ZNF248: variants seen among roughly 807,000 people sequenced by gnomAD.
ZNF248 encodes KRAB protein domain.
A neutral mutation model predicts 44.3 loss-of-function variants in ZNF248; 20 were observed. That is an observed-to-expected ratio of 0.45 (90% CI 0.32 to 0.66). The LOEUF (loss-of-function observed/expected upper bound fraction) is 0.66, where lower values mean the gene tolerates loss of function less well. Among genes scored for constraint, ZNF248 ranks in the 30% least tolerant of loss-of-function variants. The pLI, the probability that ZNF248 is intolerant of heterozygous loss-of-function variation, is 0.04. For missense variants in ZNF248, 654 were observed against 677.0 expected, an observed-to-expected ratio of 0.97 and a Z score of 0.38; for synonymous variants, 224 against 229.0, an observed-to-expected ratio of 0.98 and a Z score of 0.20.
intron 4 of ZNF248, 64 bp from the exon 5 acceptor site, chr10:37,837,776 T>C: frequency 1.3e-6 from 2 of 1,484,696 alleles, no homozygotes; most frequent in Admixed American, 1.9e-5. Flanking sequence ...TCTGAATACA[T>C]CATGGGGAAG....
intron 6 of ZNF248, among the ~76,000 whole-genome samples, chr10:37,790,107 A>C (rs962246391): frequency 2.8e-5 from 2 of 70,816 alleles, no homozygotes; most frequent in African/African-American, 1.6e-4. Context: ...TGAAAATACA[A>C]AAAAAAAAAA....
At chr10:37,781,255 G>A (rs193022034) in intron 6 of ZNF248, among the ~76,000 whole-genome samples, 1 of 152,248 alleles carries the variant, frequency 6.6e-6, no homozygotes, top group African/African-American at 2.4e-5. Context: ...ATTGTGAAGG[G>A]TCCTTTTCCA....
chr10:37,839,417 C>T (rs552478199), intron 3 of ZNF248, among the ~76,000 whole-genome samples: 7 of 152,062 alleles, frequency 4.6e-5, no homozygotes, highest in South Asian at 4.1e-4. Flanking sequence ...TTGTTTCTAA[C>T]GCCATGCTCC....
rs1369231059 is a variant in ZNF248, at chr10:37,856,341, A to T, written c.-27-4T>A. On this transcript the variant is annotated splice_region_variant and splice_polypyrimidine_tract_variant and intron_variant, in intron 2 of 5. Transcript: ENST00000395867. The stretch of plus-strand genomic sequence containing the variant: ...GCTCTTAGTGGAGGAAGGAGAGCTG[A>T]AGGATTAGAAAGGAAGAATGTCAGG... 6.2e-7 allele frequency: 1 copy of T among 1,613,220 alleles called. No homozygotes were observed. Among genetic ancestry groups the T allele is most frequent in the Non-Finnish European group, 8.5e-7 (1 of 1,179,708 alleles).
At chr10:37,839,622 GA>G (rs747542001) in intron 3 of ZNF248, among the ~76,000 whole-genome samples, 2 of 151,630 alleles carry the variant, frequency 1.3e-5, no homozygotes, top group Non-Finnish European at 2.9e-5. Flanking sequence ...TCATATTAAA[GA>G]AGACATAATC....
At chr10:37,823,935 A>G (rs2053924425), downstream of ZNF248, among the ~76,000 whole-genome samples, 2 of 152,136 alleles carry the variant, frequency 1.3e-5, no homozygotes, top group South Asian at 4.1e-4. Context: ...AAAAATATGT[A>G]AAGGCCTAAG....
chr10:37,856,693 T>C (rs1296346040), intron 1 of ZNF248, 161 bp from the exon 2 acceptor site: 3 of 999,362 alleles, frequency 3.0e-6, no homozygotes, highest in Non-Finnish European at 3.6e-6. Context: ...ATTAATGCCC[T>C]GAGGTTAGAT....
the ZNF248 span, among the ~76,000 whole-genome samples, chr10:37,760,438 G>T: frequency 4.6e-5 from 7 of 152,158 alleles, no homozygotes; most frequent in African/African-American, 1.7e-4. Context: ...GCCCAGGCTG[G>T]TCTCAAACTC....
At chr10:37,802,253 T>G (rs1040443883) in intron 6 of ZNF248, among the ~76,000 whole-genome samples, 3 of 152,116 alleles carry the variant, frequency 2.0e-5, no homozygotes, top group Non-Finnish European at 4.4e-5. Context: ...GGAAGAGAAT[T>G]ATAAAGGTAA....
the ZNF248 span, among the ~76,000 whole-genome samples, chr10:37,766,961 G>T: frequency 6.6e-6 from 1 of 152,172 alleles, no homozygotes. Context: ...CAAGGCTCGA[G>T]AACTACGTGA....
chr10:37,778,669 C>T (rs1013057316), intron 6 of ZNF248, among the ~76,000 whole-genome samples: 11 of 152,000 alleles, frequency 7.2e-5, no homozygotes, highest in Non-Finnish European at 1.2e-4. Context: ...TCAGGTCTAA[C>T]GTTTAAGTCT....
chr10:37,820,039 G>T, intron 6 of ZNF248: 2 of 808,092 alleles, frequency 2.5e-6, no homozygotes, highest in Admixed American at 1.7e-5. Context: ...GGACTTTCTT[G>T]CTCATTGTCA....
Position 37,788,263 on chromosome 10 carries a change from A to G in ZNF248, c.331-11688T>C, listed in dbSNP as rs545639045. On this transcript the variant is annotated intron_variant, in intron 6 of 6. Transcript: ENST00000615949. ...CTGGGCAACAGTGAGACTCCATCTTAAAAAAAAAAAAAAAAAAAGAAAACA... is the reference window on the plus strand; with the variant it reads ...CTGGGCAACAGTGAGACTCCATCTTGAAAAAAAAAAAAAAAAAAGAAAACA... 2.5e-3 allele frequency among the ~76,000 whole-genome samples: 169 copies of G among 66,852 alleles called. 1 individual carries two copies. In the Middle Eastern group the frequency reaches 0.028, roughly 11 times the overall value. The allele number at this position is 66,852 out of a possible 152,430, so 43.9% of individuals were successfully genotyped here. A position where few individuals can be genotyped will look rare whatever the true frequency, so the allele number is the denominator to read the frequency against.
chr10:37,856,316 G>A lies in ZNF248; in HGVS notation c.-6C>T, dbSNP rs780526812. The A allele has an allele frequency of 1.9e-6, 3 of 1,613,456 alleles. No homozygotes were observed. Among genetic ancestry groups the A allele is most frequent in the South Asian group, 2.2e-5 (2 of 91,026 alleles). ...CTCACCTGGGATTTGTTCATTTTCC[G>A]CTCTTAGTGGAGGAAGGAGAGCTGA... is the stretch of plus-strand genomic sequence containing the variant. On this transcript the variant is annotated 5_prime_UTR_variant, in exon 3 of 6. Coordinates refer to ENST00000395867, the MANE Select transcript of ZNF248 (RefSeq NM_021045.3).
chr10:37,773,563 C>T (rs1037197540), downstream of ZNF248, among the ~76,000 whole-genome samples: 1 of 152,118 alleles, frequency 6.6e-6, no homozygotes, highest in African/African-American at 2.4e-5. Flanking sequence ...GTACCACAGA[C>T]TAGGTGGTTT....
At chr10:37,853,794 CA>C (rs1030189759) in intron 3 of ZNF248, among the ~76,000 whole-genome samples, 4 of 150,014 alleles carry the variant, frequency 2.7e-5, no homozygotes, top group South Asian at 4.2e-4. Context: ...CATCTTTAAA[CA>C]AAAAAAAATG....
At position 37,830,218 on chromosome 10, in the gene ZNF248, A is replaced by C; in HGVS notation, c.*1397T>G. Reference sequence around the variant, plus strand: ...GTTAACCTTTGCATAATTTATGTAAAAACCATTCTTATTAACAACATTTAC... The same window carrying C: ...GTTAACCTTTGCATAATTTATGTAACAACCATTCTTATTAACAACATTTAC... On this transcript the variant is annotated 3_prime_UTR_variant, in exon 6 of 6. Transcript: ENST00000395867. 1 of 985,404 alleles carries C rather than the reference A, an allele frequency of 1.0e-6. No individual in the cohort carries two copies. The highest frequency in any genetic ancestry group is 1.2e-6 in the Non-Finnish European group (1 of 829,918). The allele number at this position is 985,404 out of a possible 1,614,324, so 61.0% of individuals were successfully genotyped here.
rs944606666 is a variant in ZNF248 at position 37,830,439 on chromosome 10, C to T, written c.*1176G>A. On this transcript the variant is annotated 3_prime_UTR_variant, in exon 6 of 6. Coordinates refer to ENST00000395867, the MANE Select transcript of ZNF248 (RefSeq NM_021045.3). ...TACTGGCCAACCTACAAAGAGACTCCGGTAGTATTTAGAGTAGGACAGATT... is the reference window on the plus strand; with the variant it reads ...TACTGGCCAACCTACAAAGAGACTCTGGTAGTATTTAGAGTAGGACAGATT... 1.9e-4 allele frequency: 185 copies of T among 985,122 alleles called. No individual in the cohort carries two copies. Among genetic ancestry groups the T allele is most frequent in the Non-Finnish European group, 2.2e-4 (181 of 829,920 alleles). The allele number at this position is 985,122 out of a possible 1,614,324, so 61.0% of individuals were successfully genotyped here.
chr10:37,832,274 A>G lies in ZNF248; in HGVS notation c.1081T>C (p.Phe361Leu). 1 of 1,613,958 alleles carries G rather than the reference A, an allele frequency of 6.2e-7. No individual in the cohort carries two copies. Among genetic ancestry groups the G allele is most frequent in the Non-Finnish European group, 8.5e-7 (1 of 1,179,932 alleles). ...TGGGTAAGATGTGACTTCTTGCTGA[A>G]ATTACTCCCATTTTCATTGTAATCA... The part of the protein sequence containing the change: ...SYDYNENGSN[F>L]SKKSHLTQLR... Residue 361 changes from phenylalanine (F) to leucine (L), a missense_variant, in exon 6 of 6, where the codon TTC becomes CTC. Coordinates refer to ENST00000395867, the MANE Select transcript of ZNF248 (RefSeq NM_021045.3).
Sources: allele counts gnomAD v4.1 joint callset (sites outside exome capture counted in the v4.1 genomes callset), GRCh38; gene constraint gnomAD v4.1.1; transcripts MANE v1.5; gene names NCBI Gene and HGNC (gene_info 2026-07-23, HGNC 2026-07-21).